C1QTNF3: variants seen among roughly 807,000 people sequenced by gnomAD.
C1QTNF3 encodes complement C1q tumor necrosis factor-related protein 3.
A neutral mutation model predicts 32.6 loss-of-function variants in C1QTNF3; 26 were observed. That is an observed-to-expected ratio of 0.80 (90% CI 0.58 to 1.11). The LOEUF (loss-of-function observed/expected upper bound fraction) is 1.11. Ranked by LOEUF, C1QTNF3 falls within the 50% of genes least tolerant of loss-of-function variation. The probability of loss-of-function intolerance (pLI) is 0.00; values close to 1 mark genes in which losing one functional copy is unlikely to be tolerated. For synonymous variants in C1QTNF3, 155 were observed against 146.0 expected (o/e 1.06, Z -0.44); for missense variants, 362 against 398.2 (o/e 0.91, Z 0.77).
chr5:34,088,217 T>C, the C1QTNF3 span, among the ~76,000 whole-genome samples: 1 of 152,240 alleles, frequency 6.6e-6, no homozygotes, highest in East Asian at 1.9e-4. Flanking sequence ...TTCCAGAATC[T>C]TACCTACATA....
chr5:34,062,505 T>C, the C1QTNF3 span, among the ~76,000 whole-genome samples: 6 of 152,226 alleles, frequency 3.9e-5, no homozygotes, highest in African/African-American at 1.4e-4. Context: ...CAGTAAAAGA[T>C]GGGCTTGCTG....
the C1QTNF3 span, among the ~76,000 whole-genome samples, chr5:34,108,074 C>G: frequency 2.6e-3 from 397 of 152,102 alleles, 2 homozygotes; most frequent in African/African-American, 9.2e-3. Context: ...TTTTATGAGC[C>G]CCCCCTCTCC....
chr5:34,178,104 T>TAAAA, the C1QTNF3 span, among the ~76,000 whole-genome samples: 6 of 76,500 alleles, frequency 7.8e-5, no homozygotes, highest in Non-Finnish European at 1.4e-4. Flanking sequence ...TCATCTCTAC[T>TAAAA]AAAAAAAAAA....
chr5:34,186,583 G>C, the C1QTNF3 span, among the ~76,000 whole-genome samples: 1 of 152,008 alleles, frequency 6.6e-6, no homozygotes, highest in African/African-American at 2.4e-5. Flanking sequence ...TCACAAGAAC[G>C]ATCATCGCAC....
chr5:34,224,714 G>A, the C1QTNF3 span, among the ~76,000 whole-genome samples: 3 of 152,180 alleles, frequency 2.0e-5, no homozygotes, highest in Admixed American at 2.0e-4. Flanking sequence ...AGAAAACCTA[G>A]GCATTACCAT....
At chr5:34,213,809 A>ATATATATAT in the C1QTNF3 span, among the ~76,000 whole-genome samples, 7 of 4,938 alleles carry the variant, frequency 1.4e-3, no homozygotes, top group African/African-American at 1.6e-3. Context: ...ATATATATAT[A>ATATATATAT]TTTTTTTTTT....
At chr5:34,123,302 G>A in the C1QTNF3 span, among the ~76,000 whole-genome samples, 1 of 152,164 alleles carries the variant, frequency 6.6e-6, no homozygotes, top group South Asian at 2.1e-4. Flanking sequence ...TGCCCTGTTG[G>A]TGTTGGACTT....
chr5:34,074,410 C>A, the C1QTNF3 span, among the ~76,000 whole-genome samples: 7 of 151,764 alleles, frequency 4.6e-5, no homozygotes, highest in South Asian at 1.0e-3. Context: ...ATTGTCTAAG[C>A]CACAAAATAG....
chr5:34,056,471 TATATATATAGAG>T, the C1QTNF3 span, among the ~76,000 whole-genome samples: 2 of 110,110 alleles, frequency 1.8e-5, no homozygotes, highest in South Asian at 3.3e-4. Flanking sequence ...TATATATATA[TATATATATAGAG>T]AGAGAGAGAG....
chr5:34,215,838 G>C, the C1QTNF3 span, among the ~76,000 whole-genome samples: 4 of 152,134 alleles, frequency 2.6e-5, no homozygotes, highest in African/African-American at 9.7e-5. Context: ...TCACTATGTT[G>C]ACCAGGCTGG....
At chr5:34,060,263 T>C in the C1QTNF3 span, among the ~76,000 whole-genome samples, 9 of 152,220 alleles carry the variant, frequency 5.9e-5, no homozygotes, top group African/African-American at 1.4e-4. Flanking sequence ...GGCAATTTTG[T>C]TGTAGTGCAA....
the C1QTNF3 span, among the ~76,000 whole-genome samples, chr5:34,159,696 CT>C: frequency 6.6e-6 from 1 of 151,750 alleles, no homozygotes; most frequent in Non-Finnish European, 1.5e-5. Context: ...AATCTGAGGA[CT>C]TGCCAAGTAA....
At chr5:34,212,380 C>A in the C1QTNF3 span, among the ~76,000 whole-genome samples, 16 of 152,118 alleles carry the variant, frequency 1.1e-4, no homozygotes, top group East Asian at 2.5e-3. Context: ...AAAGCAATGG[C>A]AACAAAAGCC....
At chr5:34,162,676 G>T in the C1QTNF3 span, among the ~76,000 whole-genome samples, 1 of 152,254 alleles carries the variant, frequency 6.6e-6, no homozygotes, top group South Asian at 2.1e-4. Flanking sequence ...GTTTTAGATT[G>T]ATGATTAGTA....
chr5:34,101,650 G>A, the C1QTNF3 span, among the ~76,000 whole-genome samples: 1 of 151,944 alleles, frequency 6.6e-6, no homozygotes, highest in Non-Finnish European at 1.5e-5. Flanking sequence ...TGCTTTCTGT[G>A]AGGAAACCTT....
At chr5:34,161,796 T>G in the C1QTNF3 span, among the ~76,000 whole-genome samples, 1 of 152,164 alleles carries the variant, frequency 6.6e-6, no homozygotes, top group South Asian at 2.1e-4. Flanking sequence ...TTATATACAA[T>G]GACAAAGCTT....
At chr5:34,141,426 G>A in the C1QTNF3 span, among the ~76,000 whole-genome samples, 1 of 152,004 alleles carries the variant, frequency 6.6e-6, no homozygotes, top group Non-Finnish European at 1.5e-5. Context: ...CCCGGGGTTG[G>A]CTCCTTCTAA....
At chr5:34,216,059 C>CA in the C1QTNF3 span, among the ~76,000 whole-genome samples, 1 of 152,194 alleles carries the variant, frequency 6.6e-6, no homozygotes, top group African/African-American at 2.4e-5. Flanking sequence ...TCCATCTTCT[C>CA]ACTCTCATAA....
At chr5:34,047,079 T>C (rs1025704688), upstream of C1QTNF3, among the ~76,000 whole-genome samples, 6 of 152,232 alleles carry the variant, frequency 3.9e-5, no homozygotes, top group African/African-American at 1.4e-4. Context: ...TACCTATGGG[T>C]TGAATATTAA....
Sources: allele counts gnomAD v4.1 joint callset (sites outside exome capture counted in the v4.1 genomes callset), GRCh38; gene constraint gnomAD v4.1.1; transcripts MANE v1.5; gene names NCBI Gene and HGNC (gene_info 2026-07-23, HGNC 2026-07-21).